Variants in BSN observed in about 807,000 individuals in gnomAD.
The protein encoded by BSN is protein bassoon.
In BSN, 57 loss-of-function variants were observed where a neutral mutation model predicts 264.8. The ratio of observed to expected loss-of-function variants is 0.22; its 90% CI spans 0.17 to 0.27. The LOEUF is 0.27. Among genes scored for constraint, BSN ranks in the 10% least tolerant of loss-of-function variants. BSN has a pLI of 1.00. For missense variants in BSN, 4,615 were observed against 5,232.5 expected, an observed-to-expected ratio of 0.88 and a Z score of 3.64; for synonymous variants, 2,059 against 2,137.3, an observed-to-expected ratio of 0.96 and a Z score of 1.01.
rs150218987 is a variant in BSN at position 49,661,964 on chromosome 3, G to T, written c.10119G>T (p.Ser3373=). 6.2e-7 allele frequency: 1 copy of T among 1,613,844 alleles called. No homozygotes were observed. Among genetic ancestry groups the T allele is most frequent in the Non-Finnish European group, 8.5e-7 (1 of 1,180,048 alleles). ...TGGAGCAAAAGATATCCAAGTTCTC[G>T]CCTATTGAAGAGGCCAAAGACGTAG... is the stretch of plus-strand genomic sequence containing the variant. The part of the protein sequence containing the change: ...QGMEQKISKF[S]PIEEAKDVES... The change falls in exon 6 of 12, where the codon TCG becomes TCT. Residue 3373 remains serine (S), a synonymous_variant. Transcript: ENST00000296452.
At chr3:49,589,973 G>C (rs1001855473) in intron 1 of BSN, among the ~76,000 whole-genome samples, 2 of 151,866 alleles carry the variant, frequency 1.3e-5, no homozygotes, top group African/African-American at 4.8e-5. Context: ...GAGGAGATGG[G>C]ACTACAGTCG....
intron 1 of BSN, among the ~76,000 whole-genome samples, chr3:49,607,206 T>C (rs924786388): frequency 6.6e-6 from 1 of 152,200 alleles, no homozygotes; most frequent in African/African-American, 2.4e-5. Flanking sequence ...CTGAAGATTT[T>C]GGCATCAGAA....
intron 6 of BSN, 105 bp downstream of exon 6, chr3:49,662,667 G>A (rs571218814): frequency 4.5e-5 from 65 of 1,449,056 alleles, no homozygotes; most frequent in East Asian, 7.7e-5. Flanking sequence ...CTGGTCTGGC[G>A]CCTCATCTGG....
chr3:49,575,568 GTA>G (rs753143696), intron 1 of BSN, among the ~76,000 whole-genome samples: 2 of 145,072 alleles, frequency 1.4e-5, no homozygotes, highest in Non-Finnish European at 3.0e-5. Context: ...ATATATATGC[GTA>G]TATATATATT....
chr3:49,609,660 C>T (rs1202370154), intron 1 of BSN, among the ~76,000 whole-genome samples: 1 of 152,116 alleles, frequency 6.6e-6, no homozygotes, highest in Non-Finnish European at 1.5e-5. Context: ...AGAGTGAGCA[C>T]TTAGCACAAT....
rs2052339143 is a variant in BSN, at chr3:49,625,986, G to T, written c.633+603G>T. On this transcript the variant is annotated intron_variant, in intron 2 of 11. Transcript: ENST00000296452. The surrounding 1 kb of genome is among the most constrained non-coding windows in gnomAD (Gnocchi z 4.4). ...TGACCTTGGGGTAAAGAACCAGGCT[G>T]GGAACCAAGCATTCACCAAGGATGA... Among the ~76,000 whole-genome samples, 1 of 152,224 alleles carries T rather than the reference G, an allele frequency of 6.6e-6. No homozygotes were observed. The highest frequency in any genetic ancestry group is 2.1e-4 in the South Asian group (1 of 4,830).
At chr3:49,568,553 G>A (rs2051772135) in intron 1 of BSN, among the ~76,000 whole-genome samples, 1 of 152,048 alleles carries the variant, frequency 6.6e-6, no homozygotes, top group South Asian at 2.1e-4. Flanking sequence ...TATGTAAAAG[G>A]TAGCAGACTC....
chr3:49,597,825 A>G (rs926542951), intron 1 of BSN, among the ~76,000 whole-genome samples: 6 of 151,524 alleles, frequency 4.0e-5, no homozygotes, highest in African/African-American at 1.2e-4. Flanking sequence ...TGTATTTTTT[A>G]TTAGAGATGG....
In BSN at chr3:49,652,855, T is replaced by G; in HGVS notation, c.3299T>G (p.Ile1100Ser). The change falls in exon 5 of 12, where the codon ATC becomes AGC. Residue 1100 changes from isoleucine (I) to serine (S), a missense_variant. Around this residue, in one of 3 missense-constraint regions of BSN, gnomAD observed 3,415 missense variants for 3,866.4 expected, o/e 0.88. Coordinates refer to ENST00000296452, the MANE Select transcript of BSN (RefSeq NM_003458.4). ...ACACCACCCAGTAACTTGTCACCCA[T>G]CGAGGATGCCTCCCCGACGGAGGAG... ...SKTPPSNLSP[I>S]EDASPTEELR... The G allele has an allele frequency of 6.2e-7, 1 of 1,604,672 alleles. No individual in the cohort carries two copies. The highest frequency in any genetic ancestry group is 8.5e-7 in the Non-Finnish European group (1 of 1,174,532).
chr3:49,559,311 T>C (rs951830273), intron 1 of BSN, among the ~76,000 whole-genome samples: 2 of 152,196 alleles, frequency 1.3e-5, no homozygotes, highest in South Asian at 2.1e-4. Flanking sequence ...TAATGAACTT[T>C]TGTGTTCCCA....
intron 2 of BSN, among the ~76,000 whole-genome samples, chr3:49,630,973 C>T (rs1383441371): frequency 1.3e-5 from 2 of 152,096 alleles, no homozygotes; most frequent in Non-Finnish European, 2.9e-5. Context: ...CAGCCTTTGG[C>T]CTGGACAGGC....
chr3:49,559,611 CAG>C (rs2051698660), intron 1 of BSN, among the ~76,000 whole-genome samples: 1 of 152,164 alleles, frequency 6.6e-6, no homozygotes, highest in Non-Finnish European at 1.5e-5. Flanking sequence ...GTGATCTAAA[CAG>C]GGTCTACACA....
intron 1 of BSN, among the ~76,000 whole-genome samples, chr3:49,608,974 G>A (rs2052181519): frequency 6.6e-6 from 1 of 152,078 alleles, no homozygotes; most frequent in Admixed American, 6.6e-5. Flanking sequence ...GAGCCCTCCT[G>A]CATGAGGCCA....
At chr3:49,650,535 A>G in intron 3 of BSN, 77 bp from the exon 4 acceptor site, 1 of 1,361,854 alleles carries the variant, frequency 7.3e-7, no homozygotes, top group Non-Finnish European at 1.0e-6. Context: ...AGGTTACAGA[A>G]ATAGTTATGG....
At position 49,652,147 on chromosome 3, in the gene BSN, C is replaced by T. The variant is rs777419830; in HGVS notation, c.2591C>T (p.Thr864Ile). Residue 864 changes from threonine (T) to isoleucine (I), a missense_variant, in exon 5 of 12, where the codon ACC (threonine) becomes ATC (isoleucine). Thr to Ile is a moderately conservative substitution (Grantham distance 89). Transcript: ENST00000296452. ...AACCTGGAGGAGGATGACACTGCCA[C>T]CTCCGGGCGTGGCCTGGCCAAACAT... ...EDNLEEDDTA[T>I]SGRGLAKHGT... 3 of 1,614,020 alleles carry T rather than the reference C, an allele frequency of 1.9e-6. No individual in the cohort carries two copies. In the South Asian group the frequency reaches 3.3e-5, roughly 18 times the overall value.
chr3:49,574,080 G>A (rs1256515022), intron 1 of BSN, among the ~76,000 whole-genome samples: 1 of 151,836 alleles, frequency 6.6e-6, no homozygotes, highest in Non-Finnish European at 1.5e-5. Context: ...CTCCCAAGTA[G>A]CTGGGACTAG....
At chr3:49,613,345 A>AGAGAGAGAGAGAGAGAGAGAGAGG in intron 1 of BSN, among the ~76,000 whole-genome samples, 1 of 149,798 alleles carries the variant, frequency 6.7e-6, no homozygotes, top group Non-Finnish European at 1.5e-5. Flanking sequence ...AGAGAGAGAG[A>AGAGAGAGAGAGAGAGAGAGAGAGG]GAGAAGGGCT....
In BSN at chr3:49,593,447, T is replaced by C. The variant is rs1488912953; in HGVS notation, c.225-31528T>C. 2.0e-5 allele frequency among the ~76,000 whole-genome samples: 3 copies of C among 152,230 alleles called. No individual in the cohort carries two copies. The East Asian group carries it at 5.8e-4, about 29-fold the overall frequency. Reference sequence around the variant, plus strand: ...TAAAATCGCTGGGTCATTTGGTAGTTGCATGCTTAGTTTTTAAAGAAATTG... The same window carrying C: ...TAAAATCGCTGGGTCATTTGGTAGTCGCATGCTTAGTTTTTAAAGAAATTG... On this transcript the variant is annotated intron_variant, in intron 1 of 11. Coordinates refer to ENST00000296452, the MANE Select transcript of BSN (RefSeq NM_003458.4).
chr3:49,651,165 T>C lies in BSN; in HGVS notation c.1986+86T>C. 7.4e-7 allele frequency: 1 copy of C among 1,345,436 alleles called. No individual in the cohort carries two copies. Among genetic ancestry groups the C allele is most frequent in the Non-Finnish European group, 1.0e-6 (1 of 998,830 alleles). 83.3% of individuals were successfully genotyped at this position (1,345,436 alleles called of 1,614,324 possible). On this transcript the variant is annotated intron_variant, in intron 4 of 11. Coordinates refer to ENST00000296452, the MANE Select transcript of BSN (RefSeq NM_003458.4). This position sits in a 1 kb window ranked among gnomAD's most constrained non-coding sequence, Gnocchi z 5.4. ...TTGCCTCCCTGGGTGGCTGAGGCTG[T>C]AGGCTCAGGACAGGTGCCTTGGGGC...
Sources: allele counts gnomAD v4.1 joint callset (sites outside exome capture counted in the v4.1 genomes callset), GRCh38; gene constraint gnomAD v4.1.1; regional missense constraint gnomAD v4.1.1; non-coding constraint Gnocchi (gnomAD v3.1); transcripts MANE v1.5; gene names NCBI Gene and HGNC (gene_info 2026-07-23, HGNC 2026-07-21).